The following ADAMTSL1 variants were observed in gnomAD, a reference collection of about 807,000 sequenced individuals.
ADAMTSL1 encodes ADAMTS like 1, also known as ADAMTS-like protein 1.
ADAMTSL1 carries 126 observed loss-of-function variants against 201.8 expected under a neutral mutation model. The ratio of observed to expected loss-of-function variants is 0.62; its 90% confidence interval spans 0.54 to 0.72. ADAMTSL1 has a LOEUF of 0.72. Ranked by LOEUF, ADAMTSL1 falls within the 30% of genes least tolerant of loss-of-function variation. The pLI is 0.00. For missense variants in ADAMTSL1, 2,679 were observed against 2,277.8 expected (o/e 1.18, Z -3.59); for synonymous variants, 1,121 against 903.4 (o/e 1.24, Z -4.32).
intron 1 of ADAMTSL1, among the ~76,000 whole-genome samples, chr9:18,105,862 C>G (rs530435300): frequency 4.3e-4 from 66 of 152,296 alleles, no homozygotes; most frequent in African/African-American, 1.4e-3. Flanking sequence ...ACAAAAAACA[C>G]AGGCCCACTG....
At chr9:18,634,882 TA>T (rs1827009321) in intron 5 of ADAMTSL1, among the ~76,000 whole-genome samples, 4 of 140,436 alleles carry the variant, frequency 2.8e-5, no homozygotes, top group South Asian at 2.2e-4. Flanking sequence ...TATTTATATA[TA>T]TAAATATGTA....
At chr9:18,252,577 T>C (rs1190272450) in intron 2 of ADAMTSL1, among the ~76,000 whole-genome samples, 3 of 152,136 alleles carry the variant, frequency 2.0e-5, no homozygotes, top group Non-Finnish European at 4.4e-5. Context: ...GTTTAAGAAA[T>C]AATGACAGGA....
chr9:17,937,559 T>C (rs1469640526), intron 1 of ADAMTSL1, among the ~76,000 whole-genome samples: 3 of 119,272 alleles, frequency 2.5e-5, no homozygotes, highest in Non-Finnish European at 5.6e-5. Context: ...ACTTATAAAC[T>C]TTGGTAATAT....
chr9:17,926,450 C>T (rs1826535636), intron 1 of ADAMTSL1, among the ~76,000 whole-genome samples: 1 of 152,138 alleles, frequency 6.6e-6, no homozygotes, highest in Admixed American at 6.5e-5. Context: ...TGGGCGTACT[C>T]AGGAATCCAT....
At chr9:18,859,353 G>A (rs1041984335) in intron 23 of ADAMTSL1, among the ~76,000 whole-genome samples, 1 of 152,088 alleles carries the variant, frequency 6.6e-6, no homozygotes, top group Non-Finnish European at 1.5e-5. Flanking sequence ...TCTCTGACTC[G>A]CTATCTTCCC....
intron 3 of ADAMTSL1, among the ~76,000 whole-genome samples, chr9:18,572,916 A>T (rs1172841134): frequency 6.6e-6 from 1 of 152,216 alleles, no homozygotes; most frequent in Non-Finnish European, 1.5e-5. Context: ...ACAGTCTTCC[A>T]TGGTAAATTT....
At chr9:18,156,032 A>G (rs1267094327) in intron 1 of ADAMTSL1, among the ~76,000 whole-genome samples, 1 of 152,020 alleles carries the variant, frequency 6.6e-6, no homozygotes, top group Non-Finnish European at 1.5e-5. Flanking sequence ...GAAGAGTCTC[A>G]GACTGCAGCC....
chr9:17,973,809 C>T (rs1818322600), intron 1 of ADAMTSL1, among the ~76,000 whole-genome samples: 1 of 149,586 alleles, frequency 6.7e-6, no homozygotes. Flanking sequence ...ATGGAATGTT[C>T]TTCCATTTGT....
Position 18,584,807 on chromosome 9 carries a change from G to GA in ADAMTSL1, c.474+10549dup, listed in dbSNP as rs1425274760. Among the ~76,000 whole-genome samples the GA allele has an allele frequency of 1.3e-5, 2 of 151,554 alleles. 1 individual carries two copies. Among genetic ancestry groups the GA allele is most frequent in the Non-Finnish European group, 2.9e-5 (2 of 67,862 alleles). The stretch of plus-strand genomic sequence containing the variant: ...CATCCAATTGACTAGGGGCCTGAAA[G>GA]AAAAAAAAGATGGATCCATGGATGA... On this transcript the variant is annotated intron_variant, in intron 4 of 28. Coordinates refer to ENST00000380548, the MANE Select transcript of ADAMTSL1 (RefSeq NM_001040272.6).
chr9:18,831,630 G>A (rs1272381499), intron 23 of ADAMTSL1, among the ~76,000 whole-genome samples: 1 of 152,170 alleles, frequency 6.6e-6, no homozygotes, highest in East Asian at 1.9e-4. Context: ...AGTTTGTGGT[G>A]CTTTGTTACC....
intron 2 of ADAMTSL1, among the ~76,000 whole-genome samples, chr9:18,408,476 C>T (rs80135921): frequency 0.095 from 14,477 of 151,778 alleles, 953 homozygotes; most frequent in Middle Eastern, 0.15. Context: ...CTCCGCACCC[C>T]CCACCCACAG....
chr9:18,813,207 C>T (rs572404593), intron 20 of ADAMTSL1, among the ~76,000 whole-genome samples: 33 of 152,094 alleles, frequency 2.2e-4, no homozygotes, highest in African/African-American at 2.9e-4. Flanking sequence ...CCACATGATC[C>T]GCCGCCTCAG....
chr9:17,980,627 G>C (rs966503031), intron 1 of ADAMTSL1, among the ~76,000 whole-genome samples: 17 of 152,036 alleles, frequency 1.1e-4, no homozygotes, highest in African/African-American at 3.9e-4. Context: ...TTTTTGGGGG[G>C]CAATTGGGTC....
At position 18,305,078 on chromosome 9, in the gene ADAMTSL1, A is replaced by G. The variant is rs551878040; in HGVS notation, c.207+141097A>G. Among the ~76,000 whole-genome samples, 55 of 152,242 alleles carry G rather than the reference A, an allele frequency of 3.6e-4. No individual in the cohort carries two copies. In the South Asian group the frequency reaches 8.5e-3, roughly 24 times the overall value. On this transcript the variant is annotated intron_variant, in intron 2 of 29. Coordinates refer to the ADAMTSL1 transcript ENST00000680146. ...ATGGGGAGCTGAAGCAGGGTGGGGC[A>G]TTGCCTCACCGGGAAAGTACAAGTG...
At chr9:17,989,976 A>C (rs1351961209) in intron 1 of ADAMTSL1, among the ~76,000 whole-genome samples, 3 of 151,274 alleles carry the variant, frequency 2.0e-5, no homozygotes, top group African/African-American at 7.3e-5. Flanking sequence ...TTCTTGATGT[A>C]AGAACAAGAA....
intron 2 of ADAMTSL1, among the ~76,000 whole-genome samples, chr9:18,185,002 A>G (rs914257764): frequency 3.3e-5 from 5 of 152,116 alleles, no homozygotes; most frequent in African/African-American, 9.7e-5. Flanking sequence ...CTCTGAAATG[A>G]TTGGCACCAG....
At chr9:18,619,987 C>T (rs969794030) in intron 4 of ADAMTSL1, among the ~76,000 whole-genome samples, 1 of 151,102 alleles carries the variant, frequency 6.6e-6, no homozygotes, top group African/African-American at 2.4e-5. Flanking sequence ...TTTGGTCCCT[C>T]CAAGGCAATT....
At chr9:18,805,051 T>G (rs1007957665) in intron 20 of ADAMTSL1, among the ~76,000 whole-genome samples, 1 of 152,244 alleles carries the variant, frequency 6.6e-6, no homozygotes, top group African/African-American at 2.4e-5. Context: ...TGTTTTAAAC[T>G]GATATTTGGA....
intron 1 of ADAMTSL1, among the ~76,000 whole-genome samples, chr9:18,053,445 G>A (rs1822029714): frequency 6.6e-6 from 1 of 151,992 alleles, no homozygotes; most frequent in South Asian, 2.1e-4. Context: ...ATGAAAATTG[G>A]TTCAGTATGT....
Sources: gnomAD v4.1 joint callset for allele counts (sites outside exome capture counted in the v4.1 genomes callset) on GRCh38, gnomAD v4.1.1 for gene constraint, MANE v1.5 for transcripts, NCBI Gene and HGNC (gene_info 2026-07-23, HGNC 2026-07-21) for gene names.